The following CDC73 variants were observed in gnomAD, a reference collection of about 807,000 sequenced individuals.
CDC73 encodes cell division cycle 73.
A neutral mutation model predicts 83.7 loss-of-function variants in CDC73; 21 were observed. That is an observed-to-expected ratio of 0.25 (90% CI 0.18 to 0.36). The LOEUF (loss-of-function observed/expected upper bound fraction) is 0.36, where lower values mean the gene tolerates loss of function less well. Among genes scored for constraint, CDC73 ranks in the 10% least tolerant of loss-of-function variants. CDC73 has a pLI of 1.00. For synonymous variants in CDC73, 224 were observed against 212.9 expected (o/e 1.05, Z -0.45); for missense variants, 342 against 653.3 (o/e 0.52, Z 5.19).
rs577611339 is a variant in CDC73, at chr1:193,150,672, T to C, written c.907+290T>C. ...TATCTGGCCCTTTACAGAAAAAAAG[T>C]TGGCCAACCCCTGGTTAATAGCATG... On this transcript the variant is annotated intron_variant, in intron 9 of 16. Transcript: ENST00000367435. 2.0e-5 allele frequency among the ~76,000 whole-genome samples: 3 copies of C among 152,330 alleles called. No individual in the cohort carries two copies. In the East Asian group the frequency reaches 5.8e-4, roughly 29 times the overall value.
rs1042767726 is a variant in CDC73 at position 193,210,530 on chromosome 1, G to A, written c.1031-1535G>A. ...CTAAGATGTATTCATCTTGTGTTAG[G>A]TTATTATTACCATTATGTCAACAAA... On this transcript the variant is annotated intron_variant, in intron 11 of 16. Coordinates refer to ENST00000367435, the MANE Select transcript of CDC73 (RefSeq NM_024529.5). 2.6e-5 allele frequency among the ~76,000 whole-genome samples: 4 copies of A among 151,980 alleles called. No homozygotes were observed. In the South Asian group the frequency reaches 6.3e-4, roughly 24 times the overall value.
chr1:193,129,528 A>G (rs183091621), intron 2 of CDC73, among the ~76,000 whole-genome samples: 226 of 151,934 alleles, frequency 1.5e-3, no homozygotes, highest in Middle Eastern at 3.4e-3. Context: ...TTATTTAGAG[A>G]CGGAATCTCT....
At chr1:193,163,251 A>C (rs1378521956) in intron 10 of CDC73, among the ~76,000 whole-genome samples, 3 of 151,474 alleles carry the variant, frequency 2.0e-5, no homozygotes, top group Non-Finnish European at 2.9e-5. Flanking sequence ...CATGCCTGTA[A>C]TCCCTGCACT....
At chr1:193,248,419 A>G (rs538086274) in intron 15 of CDC73, among the ~76,000 whole-genome samples, 12 of 152,218 alleles carry the variant, frequency 7.9e-5, no homozygotes, top group African/African-American at 2.6e-4. Context: ...TGTTGTTTTC[A>G]TGATTACTAA....
intron 2 of CDC73, among the ~76,000 whole-genome samples, chr1:193,126,037 G>C (rs1319230773): frequency 2.0e-5 from 3 of 152,114 alleles, no homozygotes; most frequent in South Asian, 2.1e-4. Context: ...AAGGCGGTAG[G>C]GTTGCTTGAG....
At chr1:193,190,327 C>T (rs779348034) in intron 10 of CDC73, among the ~76,000 whole-genome samples, 1 of 152,072 alleles carries the variant, frequency 6.6e-6, no homozygotes, top group Admixed American at 6.6e-5. Context: ...TAATCAGATG[C>T]AGTCTTTTTC....
intron 10 of CDC73, among the ~76,000 whole-genome samples, chr1:193,182,798 CGAG>C (rs1676739765): frequency 6.6e-6 from 1 of 151,806 alleles, no homozygotes; most frequent in Admixed American, 6.6e-5. Context: ...ACCAATATGT[CGAG>C]GGAGTAGAGG....
chr1:193,204,278 T>TGTG (rs1677147155), intron 11 of CDC73, among the ~76,000 whole-genome samples: 1 of 133,202 alleles, frequency 7.5e-6, no homozygotes, highest in African/African-American at 2.8e-5. Flanking sequence ...TGTGTGTGTG[T>TGTG]ATATATATAT....
intron 10 of CDC73, among the ~76,000 whole-genome samples, chr1:193,173,322 A>G (rs1676550502): frequency 6.6e-6 from 1 of 152,218 alleles, no homozygotes; most frequent in Admixed American, 6.5e-5. Context: ...CCCATCACAC[A>G]GATTGTATAA....
chr1:193,238,731 C>T (rs1344627213), intron 15 of CDC73, among the ~76,000 whole-genome samples: 2 of 152,022 alleles, frequency 1.3e-5, no homozygotes, highest in Non-Finnish European at 2.9e-5. Flanking sequence ...ATACTGTATT[C>T]TTATGATAAA....
intron 14 of CDC73, among the ~76,000 whole-genome samples, chr1:193,234,134 A>G (rs1205664439): frequency 7.1e-6 from 1 of 141,012 alleles, no homozygotes; most frequent in African/African-American, 2.7e-5. Flanking sequence ...CTTATGCCTC[A>G]AGACTGGTAG....
intron 11 of CDC73, among the ~76,000 whole-genome samples, chr1:193,208,896 T>C (rs528963894): frequency 2.6e-5 from 4 of 152,358 alleles, no homozygotes; most frequent in Admixed American, 2.6e-4. Flanking sequence ...CAAGTTGGCT[T>C]GTTTTCATCT....
At position 193,172,076 on chromosome 1, in the gene CDC73, C is replaced by T. The variant is rs569873962; in HGVS notation, c.972+19632C>T. 1.4e-4 allele frequency among the ~76,000 whole-genome samples: 21 copies of T among 152,080 alleles called. No individual in the cohort carries two copies. In the East Asian group the frequency reaches 3.9e-3, roughly 28 times the overall value. On this transcript the variant is annotated intron_variant, in intron 10 of 16. Transcript: ENST00000367435. ...AGTAGCTGGGACTACAGGTGTGCGC[C>T]ACCACACCTGGCTAATATTTGTATT...
At position 193,142,001 on chromosome 1, in the gene CDC73, C is replaced by T. The variant is rs770439843; in HGVS notation, c.664C>T (p.Arg222Ter). The T allele has an allele frequency of 1.9e-6, 3 of 1,613,610 alleles. No individual in the cohort carries two copies. Among genetic ancestry groups the T allele is most frequent in the East Asian group, 2.2e-5 (1 of 44,850 alleles). Residue 222 changes from arginine to a stop codon, truncating the protein, a stop_gained, in exon 7 of 17, where the codon CGA (arginine) becomes TGA (stop). Coordinates refer to ENST00000367435, the MANE Select transcript of CDC73 (RefSeq NM_024529.5). LOFTEE classifies it high-confidence loss of function. Reference protein sequence around the residue: ...SFVDAEVDVTRDIVSRERVWR... With the variant: ...SFVDAEVDVT ...TGTGGATGCTGAGGTAGATGTGACC[C>T]GAGATATTGTCAGCAGAGAGAGAGT...
chr1:193,196,026 G>A (rs549929619), intron 10 of CDC73, among the ~76,000 whole-genome samples: 16 of 152,064 alleles, frequency 1.1e-4, no homozygotes, highest in South Asian at 2.1e-4. Flanking sequence ...TTCTTTTTCC[G>A]TTGTCTGTAC....
chr1:193,204,237 ACG>A (rs1677144063), intron 11 of CDC73, among the ~76,000 whole-genome samples: 1 of 138,702 alleles, frequency 7.2e-6, no homozygotes, highest in African/African-American at 2.7e-5. Flanking sequence ...GTATATATAC[ACG>A]TATATATATG....
At chr1:193,218,625 C>G (rs1183506596) in intron 13 of CDC73, among the ~76,000 whole-genome samples, 14 of 152,226 alleles carry the variant, frequency 9.2e-5, no homozygotes, top group African/African-American at 3.4e-4. Flanking sequence ...CAGCAACCAT[C>G]TGCTTTTTGA....
At chr1:193,158,532 A>C (rs1676248164) in intron 10 of CDC73, among the ~76,000 whole-genome samples, 1 of 152,120 alleles carries the variant, frequency 6.6e-6, no homozygotes, top group African/African-American at 2.4e-5. Flanking sequence ...CTTTCATCTG[A>C]AAATTATATA....
chr1:193,247,243 T>C lies in CDC73; in HGVS notation c.1418-2487T>C, dbSNP rs575437338. ...TTCAAACTTTCATTATTTTTGTATCTGTTATGGTGATATGGGACTAGTGAT... is the reference window on the plus strand; with the variant it reads ...TTCAAACTTTCATTATTTTTGTATCCGTTATGGTGATATGGGACTAGTGAT... On this transcript the variant is annotated intron_variant, in intron 15 of 16. Coordinates refer to ENST00000367435, the MANE Select transcript of CDC73 (RefSeq NM_024529.5). Among the ~76,000 whole-genome samples, 43 of 152,218 alleles carry C rather than the reference T, an allele frequency of 2.8e-4. 1 individual carries two copies. The highest frequency in any genetic ancestry group is 1.0e-3 in the African/African-American group (43 of 41,538).
Sources: allele counts gnomAD v4.1 joint callset (sites outside exome capture counted in the v4.1 genomes callset), GRCh38; gene constraint gnomAD v4.1.1; transcripts MANE v1.5; gene names NCBI Gene and HGNC (gene_info 2026-07-23, HGNC 2026-07-21).